The following HS6ST3 variants were observed in gnomAD, a reference collection of about 807,000 sequenced individuals.
HS6ST3 encodes heparan-sulfate 6-O-sulfotransferase 3.
Under a neutral mutation model 36.7 loss-of-function variants are expected in HS6ST3, and 12 were observed. The observed-to-expected ratio is 0.33, with a 90% confidence interval of 0.21 to 0.53. The LOEUF is 0.53. Ranked by LOEUF, HS6ST3 falls within the 20% of genes least tolerant of loss-of-function variation. The pLI, the probability that HS6ST3 is intolerant of heterozygous loss-of-function variation, is 0.95. For synonymous variants in HS6ST3, 240 were observed against 257.5 expected (o/e 0.93, Z 0.65); for missense variants, 584 against 640.9 (o/e 0.91, Z 0.96).
At chr13:96,803,962 C>T (rs1224077708) in intron 1 of HS6ST3, among the ~76,000 whole-genome samples, 6 of 152,154 alleles carry the variant, frequency 3.9e-5, no homozygotes, top group African/African-American at 7.2e-5. Context: ...GGGTCCTGCC[C>T]TCAACAGCCT....
chr13:96,149,659 T>A (rs767229203), intron 1 of HS6ST3, among the ~76,000 whole-genome samples: 22 of 152,198 alleles, frequency 1.4e-4, no homozygotes, highest in Non-Finnish European at 2.9e-4. Context: ...TGCATATTTT[T>A]AAAAAATTTA....
chr13:96,289,130 A>T (rs1235201628), intron 1 of HS6ST3, among the ~76,000 whole-genome samples: 3 of 152,094 alleles, frequency 2.0e-5, no homozygotes, highest in African/African-American at 7.2e-5. Flanking sequence ...AATTATAAAA[A>T]ATTATTGAAG....
chr13:96,688,633 G>A (rs1401444003), intron 1 of HS6ST3, among the ~76,000 whole-genome samples: 4 of 152,128 alleles, frequency 2.6e-5, no homozygotes, highest in Admixed American at 1.3e-4. Context: ...GAGTGTTTTC[G>A]TTGAGTTTTT....
intron 1 of HS6ST3, among the ~76,000 whole-genome samples, chr13:96,376,252 T>C (rs1275993149): frequency 2.6e-5 from 4 of 152,240 alleles, no homozygotes; most frequent in Non-Finnish European, 4.4e-5. Flanking sequence ...GCAAATATGC[T>C]GCCACTAGCA....
chr13:96,468,473 C>T lies in HS6ST3; in HGVS notation c.708-364017C>T, dbSNP rs12868790. ...TATTTAACATTTAACAGGACATACA[C>T]ACATACACACACACACACACACACA... is the stretch of plus-strand genomic sequence containing the variant. On this transcript the variant is annotated intron_variant, in intron 1 of 1. Transcript: ENST00000376705. Among the ~76,000 whole-genome samples the T allele has an allele frequency of 2.4e-3, 227 of 95,966 alleles. 2 individuals carry two copies. Among genetic ancestry groups the T allele is most frequent in the Middle Eastern group, 0.019 (3 of 158 alleles). The allele number at this position is 95,966 out of a possible 152,430, so 63.0% of individuals were successfully genotyped here.
chr13:96,336,135 C>T (rs2055099739), intron 1 of HS6ST3, among the ~76,000 whole-genome samples: 1 of 151,966 alleles, frequency 6.6e-6, no homozygotes, highest in South Asian at 2.1e-4. Flanking sequence ...TGAAATACTC[C>T]AATTTTCTTA....
intron 1 of HS6ST3, among the ~76,000 whole-genome samples, chr13:96,135,725 A>T (rs1177724391): frequency 6.6e-6 from 1 of 152,196 alleles, no homozygotes; most frequent in East Asian, 1.9e-4. Context: ...TATTAACTTC[A>T]GCAGGGATGG....
intron 1 of HS6ST3, among the ~76,000 whole-genome samples, chr13:96,167,489 A>G (rs552733579): frequency 6.6e-6 from 1 of 152,154 alleles, no homozygotes; most frequent in Non-Finnish European, 1.5e-5. Flanking sequence ...ATCGCCCAAG[A>G]ATCTCCCATG....
chr13:96,434,989 A>G (rs367758370), intron 1 of HS6ST3, among the ~76,000 whole-genome samples: 2 of 150,998 alleles, frequency 1.3e-5, no homozygotes, highest in East Asian at 3.9e-4. Context: ...CCTAACTTTA[A>G]TTTTTTTTTT....
intron 1 of HS6ST3, among the ~76,000 whole-genome samples, chr13:96,523,366 A>G (rs963914152): frequency 3.9e-5 from 6 of 152,092 alleles, no homozygotes; most frequent in Non-Finnish European, 7.4e-5. Flanking sequence ...CTCGAGGAGT[A>G]TCTTTGTGGT....
At chr13:96,663,910 T>C (rs918612257) in intron 1 of HS6ST3, among the ~76,000 whole-genome samples, 6 of 152,194 alleles carry the variant, frequency 3.9e-5, no homozygotes, top group East Asian at 1.9e-4. Context: ...ATTCCATTTA[T>C]ATAAGATATC....
intron 1 of HS6ST3, among the ~76,000 whole-genome samples, chr13:96,198,777 C>G (rs1417200484): frequency 6.6e-6 from 1 of 152,236 alleles, no homozygotes; most frequent in African/African-American, 2.4e-5. Context: ...GGAAGTTCCA[C>G]ACTTTCCCAC....
At chr13:96,446,758 G>A (rs2139483347) in intron 1 of HS6ST3, among the ~76,000 whole-genome samples, 1 of 152,316 alleles carries the variant, frequency 6.6e-6, no homozygotes, top group Non-Finnish European at 1.5e-5. Flanking sequence ...CAATGCTGGT[G>A]TGGCCATCAG....
intron 1 of HS6ST3, among the ~76,000 whole-genome samples, chr13:96,482,670 C>T (rs949240727): frequency 6.6e-6 from 1 of 152,108 alleles, no homozygotes; most frequent in African/African-American, 2.4e-5. Context: ...CAGCAATTGT[C>T]CTTCGTCACC....
intron 1 of HS6ST3, among the ~76,000 whole-genome samples, chr13:96,275,806 G>A (rs926735088): frequency 2.7e-5 from 4 of 150,120 alleles, no homozygotes; most frequent in Admixed American, 6.6e-5. Flanking sequence ...CAGTAGCTGT[G>A]AAATTAAATA....
chr13:96,630,166 T>G (rs1376893857), intron 1 of HS6ST3, among the ~76,000 whole-genome samples: 3 of 152,232 alleles, frequency 2.0e-5, no homozygotes, highest in African/African-American at 7.2e-5. Flanking sequence ...TTCTTTTATA[T>G]TATGAGTGCT....
intron 1 of HS6ST3, among the ~76,000 whole-genome samples, chr13:96,581,102 G>A (rs970557844): frequency 2.0e-5 from 3 of 151,908 alleles, no homozygotes; most frequent in Non-Finnish European, 4.4e-5. Flanking sequence ...TTGATAACAG[G>A]GAAAATTACA....
intron 1 of HS6ST3, among the ~76,000 whole-genome samples, chr13:96,448,260 G>A (rs886980698): frequency 5.9e-5 from 9 of 152,054 alleles, no homozygotes; most frequent in African/African-American, 1.4e-4. Context: ...CTTCTATGCC[G>A]CTTATATACA....
chr13:96,408,276 A>G (rs937796181), intron 1 of HS6ST3, among the ~76,000 whole-genome samples: 2 of 151,998 alleles, frequency 1.3e-5, no homozygotes, highest in Non-Finnish European at 2.9e-5. Context: ...AGTATGATCA[A>G]TTCCCCTCCC....
Sources: gnomAD v4.1 joint callset for allele counts (sites outside exome capture counted in the v4.1 genomes callset) on GRCh38, gnomAD v4.1.1 for gene constraint, MANE v1.5 for transcripts, NCBI Gene and HGNC (gene_info 2026-07-23, HGNC 2026-07-21) for gene names.